OR4D1: variants seen among roughly 807,000 people sequenced by gnomAD.
OR4D1 encodes the protein olfactory receptor family 4 subfamily D member 1.
In OR4D1, 10 loss-of-function variants were observed where a neutral mutation model predicts 14.2. That is an observed-to-expected ratio of 0.71 (90% CI 0.44 to 1.20). The LOEUF is 1.20. OR4D1 is among the 50% of genes most tolerant of loss of function. OR4D1 has a pLI of 0.00. For missense variants in OR4D1, 345 were observed against 376.6 expected (o/e 0.92, Z 0.70); for synonymous variants, 141 against 147.4 (o/e 0.96, Z 0.32).
chr17:58,154,915 C>A (rs1967744360), intron 3 of OR4D1, among the ~76,000 whole-genome samples: 1 of 152,164 alleles, frequency 6.6e-6, no homozygotes, highest in Non-Finnish European at 1.5e-5. Flanking sequence ...GAAAAAAGAC[C>A]CAGATTCTTG....
In OR4D1 at chr17:58,157,643, A is replaced by AT; in HGVS notation, c.*1558dup. 1 of 1,613,752 alleles carries AT rather than the reference A, an allele frequency of 6.2e-7. No homozygotes were observed. Among genetic ancestry groups the AT allele is most frequent in the Non-Finnish European group, 8.5e-7 (1 of 1,179,842 alleles). On this transcript the variant is annotated 3_prime_UTR_variant, in exon 4 of 4. Transcript: ENST00000268912. ...AAAGCTGAAAATGGCTGCAAAACCT[A>AT]TGCTACCCTCCAGCTTCAGTCTCCC...
chr17:58,157,434 C>A lies in OR4D1; in HGVS notation c.*1348C>A. 1 of 1,117,220 alleles carries A rather than the reference C, an allele frequency of 9.0e-7. No homozygotes were observed. 69.2% of individuals were successfully genotyped at this position (1,117,220 alleles called of 1,614,324 possible). On this transcript the variant is annotated 3_prime_UTR_variant, in exon 4 of 4. Transcript: ENST00000268912. ...AGAAAACACAAGACCAATCCGAAGCCGCGCACAGCCTTTACCACGTCCCAG... is the reference window on the plus strand; with the variant it reads ...AGAAAACACAAGACCAATCCGAAGCAGCGCACAGCCTTTACCACGTCCCAG...
chr17:58,153,485 G>A (rs1967726291), intron 2 of OR4D1, among the ~76,000 whole-genome samples: 1 of 152,164 alleles, frequency 6.6e-6, no homozygotes, highest in Non-Finnish European at 1.5e-5. Context: ...ACAATATTTT[G>A]AGTACTGAAA....
intron 2 of OR4D1, among the ~76,000 whole-genome samples, chr17:58,150,746 C>T (rs1192861516): frequency 6.6e-6 from 1 of 152,124 alleles, no homozygotes; most frequent in Non-Finnish European, 1.5e-5. Context: ...CTTCTCTCCT[C>T]TCTTTTACAG....
intron 2 of OR4D1, among the ~76,000 whole-genome samples, 189 bp from the exon 3 acceptor site, chr17:58,153,668 G>T (rs1446390638): frequency 6.6e-6 from 1 of 152,130 alleles, no homozygotes; most frequent in Non-Finnish European, 1.5e-5. Context: ...TCTATTGTCT[G>T]TACAGGATGG....
chr17:58,156,007 T>G lies in OR4D1; in HGVS notation c.854T>G (p.Met285Arg). ...GTCATGACCCCCATGCTCAACCCCATGATCTACACCCTGAGAAACCAGGAC... is the reference window on the plus strand; with the variant it reads ...GTCATGACCCCCATGCTCAACCCCAGGATCTACACCCTGAGAAACCAGGAC... Reference protein sequence around the residue: ...YTVMTPMLNPMIYTLRNQDMK... With the variant: ...YTVMTPMLNPRIYTLRNQDMK... Residue 285 changes from methionine to arginine, a missense_variant, in exon 4 of 4, where the codon ATG becomes AGG. Transcript: ENST00000268912. The G allele has an allele frequency of 1.4e-6, 2 of 1,416,068 alleles. No homozygotes were observed. The highest frequency in any genetic ancestry group is 9.3e-7 in the Non-Finnish European group (1 of 1,078,732). The allele number at this position is 1,416,068 out of a possible 1,614,324, so 87.7% of individuals were successfully genotyped here. A position where few individuals can be genotyped will look rare whatever the true frequency, so the allele number is the denominator to read the frequency against.
rs763793602 is a variant in OR4D1 at position 58,153,837 on chromosome 17, A to C, written c.-126-20A>C. ...AGAATCATGTCTCCCTTCATGCTCT[A>C]ATTTTCTTTTTCTTTTTAGAGATAA... On this transcript the variant is annotated intron_variant, in intron 2 of 3. Coordinates refer to ENST00000268912, the MANE Select transcript of OR4D1 (RefSeq NM_001386095.1). Among the ~76,000 whole-genome samples the C allele has an allele frequency of 1.3e-5, 2 of 152,122 alleles. No individual in the cohort carries two copies. Among genetic ancestry groups the C allele is most frequent in the Non-Finnish European group, 2.9e-5 (2 of 68,024 alleles).
rs1490268522 is a variant in OR4D1 at position 58,158,149 on chromosome 17, T to TA, written c.*2064dup. ...TTTTAAAAGGCAAAATTTATATACATATGTGCTTTTTTCCTATATGTCACC... is the reference window on the plus strand; with the variant it reads ...TTTTAAAAGGCAAAATTTATATACATAATGTGCTTTTTTCCTATATGTCACC... On this transcript the variant is annotated 3_prime_UTR_variant, in exon 4 of 4. Coordinates refer to ENST00000268912, the MANE Select transcript of OR4D1 (RefSeq NM_001386095.1). 1 of 152,766 alleles carries TA rather than the reference T, an allele frequency of 6.5e-6. No homozygotes were observed. Among genetic ancestry groups the TA allele is most frequent in the African/African-American group, 2.4e-5 (1 of 41,454 alleles). The allele number at this position is 152,766 out of a possible 1,614,324, so 9.5% of individuals were successfully genotyped here.
chr17:58,155,779 T>C lies in OR4D1; in HGVS notation c.626T>C (p.Ile209Thr), dbSNP rs201950514. ...TCCAACAGTGGGCTGCTAGTTATCA[T>C]CTGGTTCCTCCTCCTTCTGATCTCT... ...MISNSGLLVI[I>T]WFLLLLISYT... Residue 209 changes from isoleucine (I) to threonine (T), a missense_variant, in exon 4 of 4, where the codon ATC (isoleucine) becomes ACC (threonine). Ile to Thr is a moderately conservative substitution (Grantham distance 89). Transcript: ENST00000268912. The C allele has an allele frequency of 3.7e-6, 6 of 1,614,084 alleles. No individual in the cohort carries two copies. Among genetic ancestry groups the C allele is most frequent in the Non-Finnish European group, 5.1e-6 (6 of 1,180,030 alleles).
At chr17:58,150,119 A>G (rs2143655286) in intron 2 of OR4D1, among the ~76,000 whole-genome samples, 1 of 152,344 alleles carries the variant, frequency 6.6e-6, no homozygotes, top group East Asian at 1.9e-4. Flanking sequence ...CACAGTTATT[A>G]CCATTACTAC....
At chr17:58,152,098 G>A (rs1024023555) in intron 2 of OR4D1, among the ~76,000 whole-genome samples, 1 of 151,924 alleles carries the variant, frequency 6.6e-6, no homozygotes, top group Non-Finnish European at 1.5e-5. Context: ...TAACTTTTTG[G>A]ATAATTAGTA....
At chr17:58,151,019 A>G (rs1967696778) in intron 2 of OR4D1, among the ~76,000 whole-genome samples, 1 of 152,202 alleles carries the variant, frequency 6.6e-6, no homozygotes, top group Non-Finnish European at 1.5e-5. Flanking sequence ...AATTTTGTAA[A>G]GAAGAGAAAA....
intron 2 of OR4D1, among the ~76,000 whole-genome samples, chr17:58,152,051 T>C (rs1054013937): frequency 1.3e-5 from 2 of 152,262 alleles, no homozygotes. Context: ...AATGTTAACA[T>C]AATTTTTAAA....
intron 2 of OR4D1, among the ~76,000 whole-genome samples, chr17:58,152,760 C>T (rs1257705870): frequency 6.6e-6 from 1 of 151,896 alleles, no homozygotes; most frequent in African/African-American, 2.4e-5. Context: ...CATGACAGAC[C>T]CTGTCTCTAC....
chr17:58,157,397 A>C lies in OR4D1; in HGVS notation c.*1311A>C. 8.3e-7 allele frequency: 1 copy of C among 1,202,776 alleles called. No individual in the cohort carries two copies. The allele number at this position is 1,202,776 out of a possible 1,614,324, so 74.5% of individuals were successfully genotyped here. On this transcript the variant is annotated 3_prime_UTR_variant, in exon 4 of 4. Transcript: ENST00000268912. ...GCCGCCAAGACACGTGAGCCCTACC[A>C]CCTGCACCCTGAGAAAACACAAGAC...
chr17:58,155,334 T>C lies in OR4D1; in HGVS notation c.181T>C (p.Phe61Leu). ...FDCRLHTPMY[F>L]LLRNLALIDL... ...CTGCCGGCTCCACACACCCATGTAT[T>C]TTCTGCTCCGAAATCTAGCTCTCAT... The change falls in exon 4 of 4, where the codon TTT becomes CTT. Residue 61 changes from phenylalanine (F) to leucine (L), a missense_variant. By Grantham distance (22) the Phe-to-Leu change is conservative. Transcript: ENST00000268912. 1 of 1,614,166 alleles carries C rather than the reference T, an allele frequency of 6.2e-7. No homozygotes were observed. Among genetic ancestry groups the C allele is most frequent in the Non-Finnish European group, 8.5e-7 (1 of 1,180,038 alleles).
Position 58,156,599 on chromosome 17 carries a change from T to A in OR4D1, c.*513T>A, listed in dbSNP as rs529973864. ...TACTTTTCATGAAACCGACAGTAGA[T>A]ATATTATTATTGTTGTTAAACAGTT... On this transcript the variant is annotated 3_prime_UTR_variant, in exon 4 of 4. Transcript: ENST00000268912. 1.2e-5 allele frequency: 2 copies of A among 163,438 alleles called. No homozygotes were observed. Among genetic ancestry groups the A allele is most frequent in the African/African-American group, 4.8e-5 (2 of 41,520 alleles). The allele number at this position is 163,438 out of a possible 1,614,324, so 10.1% of individuals were successfully genotyped here. A position where few individuals can be genotyped will look rare whatever the true frequency, so the allele number is the denominator to read the frequency against.
chr17:58,153,582 G>A lies in OR4D1; in HGVS notation c.-126-275G>A, dbSNP rs767406176. ...CCAAATATATTCATCCAATTCCCAC[G>A]TAACAGCATCAGTGTAATTGCTGCT... On this transcript the variant is annotated intron_variant, in intron 2 of 3. Coordinates refer to ENST00000268912, the MANE Select transcript of OR4D1 (RefSeq NM_001386095.1). Among the ~76,000 whole-genome samples, 20 of 152,140 alleles carry A rather than the reference G, an allele frequency of 1.3e-4. 1 individual carries two copies. The highest frequency in any genetic ancestry group is 1.2e-3 in the Admixed American group (19 of 15,282).
Position 58,155,994 on chromosome 17 carries a change from A to T in OR4D1, c.841A>T (p.Met281Leu). ...CATCAGCTACACAGTCATGACCCCC[A>T]TGCTCAACCCCATGATCTACACCCT... ...VSISYTVMTP[M>L]LNPMIYTLRN... Residue 281 changes from methionine (M) to leucine (L), a missense_variant, in exon 4 of 4, where the codon ATG becomes TTG. Coordinates refer to ENST00000268912, the MANE Select transcript of OR4D1 (RefSeq NM_001386095.1). 3.1e-6 allele frequency: 5 copies of T among 1,610,480 alleles called. No individual in the cohort carries two copies. The highest frequency in any genetic ancestry group is 4.2e-6 in the Non-Finnish European group (5 of 1,178,224).
Sources: allele counts gnomAD v4.1 joint callset (sites outside exome capture counted in the v4.1 genomes callset), GRCh38; gene constraint gnomAD v4.1.1; transcripts MANE v1.5; gene names NCBI Gene and HGNC (gene_info 2026-07-23, HGNC 2026-07-21).